The following CCN6 variants were observed in gnomAD, a reference collection of about 807,000 sequenced individuals.
The protein encoded by CCN6 is CCN family member 6.
Under a neutral mutation model 37.4 loss-of-function variants are expected in CCN6, and 31 were observed. The observed-to-expected ratio is 0.83, with a 90% CI of 0.62 to 1.12. The LOEUF (loss-of-function observed/expected upper bound fraction) is 1.12. CCN6 is among the 50% of genes most tolerant of loss of function. CCN6 has a pLI of 0.00. For missense variants in CCN6, 369 were observed against 413.8 expected (o/e 0.89, Z 0.94); for synonymous variants, 137 against 142.1 (o/e 0.96, Z 0.26).
chr6:112,053,082 G>C (rs1776253128), upstream of CCN6, among the ~76,000 whole-genome samples: 1 of 152,134 alleles, frequency 6.6e-6, no homozygotes, highest in African/African-American at 2.4e-5. Context: ...AATAGGCCTT[G>C]GGATGGGGGC....
chr6:112,057,703 G>C (rs984432831), intron 1 of CCN6, among the ~76,000 whole-genome samples: 10 of 152,142 alleles, frequency 6.6e-5, no homozygotes, highest in African/African-American at 2.4e-4. Flanking sequence ...ATTTAGTTTT[G>C]AAACTTGCAT....
rs587730497 is a variant in CCN6 at position 112,068,107 on chromosome 6, A to G, written c.590-98A>G. On this transcript the variant is annotated intron_variant, in intron 3 of 4. Coordinates refer to ENST00000368666, the MANE Select transcript of CCN6 (RefSeq NM_198239.2). ...TTATTCTGAGTTATATTATACAAAA[A>G]TACTCAGATTTCTTAAACATTAAAC... 16 of 1,038,120 alleles carry G rather than the reference A, an allele frequency of 1.5e-5. No homozygotes were observed. The East Asian group carries it at 1.6e-4, about 10-fold the overall frequency. The allele number at this position is 1,038,120 out of a possible 1,614,324, so 64.3% of individuals were successfully genotyped here.
chr6:112,060,715 G>A (rs587653732), intron 1 of CCN6, among the ~76,000 whole-genome samples: 1 of 152,196 alleles, frequency 6.6e-6, no homozygotes, highest in South Asian at 2.1e-4. Context: ...TACAGATTAA[G>A]AGGATGAGAA....
chr6:112,066,266 A>T (rs1776693080), intron 3 of CCN6, among the ~76,000 whole-genome samples: 1 of 147,336 alleles, frequency 6.8e-6, no homozygotes, highest in African/African-American at 2.5e-5. Context: ...CCATGTCCTT[A>T]TTTTTTTTTT....
chr6:112,053,598 T>A (rs1285992620), upstream of CCN6, among the ~76,000 whole-genome samples: 2 of 151,662 alleles, frequency 1.3e-5, no homozygotes, highest in African/African-American at 2.4e-5. Context: ...AAAATGGAGG[T>A]TAACTTCATT....
chr6:112,052,847 T>C (rs949434249), upstream of CCN6, among the ~76,000 whole-genome samples: 2 of 152,178 alleles, frequency 1.3e-5, no homozygotes, highest in East Asian at 1.9e-4. Context: ...AAGCTCTGTG[T>C]GATCTGCAGG....
chr6:112,061,707 C>T (rs1776529124), intron 2 of CCN6, among the ~76,000 whole-genome samples: 1 of 152,164 alleles, frequency 6.6e-6, no homozygotes, highest in South Asian at 2.1e-4. Context: ...AGACATACAA[C>T]TTTAACCTCA....
intron 2 of CCN6, among the ~76,000 whole-genome samples, chr6:112,063,985 T>A (rs1228030692): frequency 6.6e-6 from 1 of 152,220 alleles, no homozygotes; most frequent in African/African-American, 2.4e-5. Context: ...CTTTTTGCTG[T>A]GCCATCAAGG....
upstream of CCN6, among the ~76,000 whole-genome samples, chr6:112,052,850 T>C (rs190315626): frequency 6.6e-6 from 1 of 152,284 alleles, no homozygotes; most frequent in Admixed American, 6.5e-5. Flanking sequence ...CTCTGTGTGA[T>C]CTGCAGGTTT....
At position 112,058,448 on chromosome 6, in the gene CCN6, G is replaced by A. The variant is rs114295420; in HGVS notation, c.49-2543G>A. Among the ~76,000 whole-genome samples, 758 of 152,338 alleles carry A rather than the reference G, an allele frequency of 5.0e-3. 5 individuals are homozygous for A. The highest frequency in any genetic ancestry group is 0.018 in the African/African-American group (738 of 41,580). ...TTACATAAGCAAATTGCCAGGCACT[G>A]TGCTAGGTGCTGGTGGTATACTCAC... On this transcript the variant is annotated intron_variant, in intron 1 of 4. Coordinates refer to ENST00000368666, the MANE Select transcript of CCN6 (RefSeq NM_198239.2).
rs879989490 is a variant in CCN6, at chr6:112,067,096, A to C, written c.590-1109A>C. ...TGCAATTGCAAGAGACTCTACTGTC[A>C]TAACACTGAAAGCAGTGTCACAGTA... On this transcript the variant is annotated intron_variant, in intron 3 of 4. Transcript: ENST00000368666. 17 of 1,233,416 alleles carry C rather than the reference A, an allele frequency of 1.4e-5. No homozygotes were observed. The South Asian group carries it at 2.0e-4, about 15-fold the overall frequency. 76.4% of individuals were successfully genotyped at this position (1,233,416 alleles called of 1,614,324 possible).
chr6:112,053,208 G>T (rs1404376059), upstream of CCN6, among the ~76,000 whole-genome samples: 1 of 152,176 alleles, frequency 6.6e-6, no homozygotes, highest in African/African-American at 2.4e-5. Context: ...CCCACATGAT[G>T]ACACAGGAGG....
chr6:112,067,845 G>A (rs111481769), intron 3 of CCN6, among the ~76,000 whole-genome samples: 2,247 of 152,230 alleles, frequency 0.015, 61 homozygotes, highest in African/African-American at 0.052. Context: ...TTCAATGTCT[G>A]TTAGAAATGA....
At position 112,054,404 on chromosome 6, in the gene CCN6, A is replaced by T; in HGVS notation, c.47A>T (p.Gln16Leu). 6.2e-7 allele frequency: 1 copy of T among 1,613,446 alleles called. No individual in the cohort carries two copies. Among genetic ancestry groups the T allele is most frequent in the South Asian group, 1.1e-5 (1 of 91,000 alleles). ...ACTCTTCTGCTTGCTGGCCTGGCAC[A>T]GGTAAGTCCTCTCCCCCGACTCTTT... is the stretch of plus-strand genomic sequence containing the variant. The part of the protein sequence containing the change: ...FSTLLLAGLA[Q>L]FCCRVQGTGP... Residue 16 changes from glutamine to leucine, a missense_variant and splice_region_variant, in exon 1 of 5, where the codon CAG (glutamine) becomes CTG (leucine). Gln to Leu is a moderately radical substitution (Grantham distance 113). Transcript: ENST00000368666.
rs587699642 is a variant in CCN6 at position 112,061,447 on chromosome 6, T to A, written c.346+159T>A. ...GGACTGGCTCCATTGTATTGGATAC[T>A]ATGTGAAATTAGCAGATGCTTACAC... On this transcript the variant is annotated intron_variant, in intron 2 of 4. Transcript: ENST00000368666. 9.3e-6 allele frequency: 8 copies of A among 861,266 alleles called. No homozygotes were observed. In the South Asian group the frequency reaches 1.1e-4, roughly 11 times the overall value. 53.4% of individuals were successfully genotyped at this position (861,266 alleles called of 1,614,324 possible).
chr6:112,066,932 G>A (rs782124404), intron 3 of CCN6: 1 of 1,348,488 alleles, frequency 7.4e-7, no homozygotes, highest in Non-Finnish European at 9.9e-7. Context: ...GGGATTACTG[G>A]TAACACGGTA....
At chr6:112,060,185 C>T in intron 1 of CCN6, 1 of 1,291,702 alleles carries the variant, frequency 7.7e-7, no homozygotes, top group Non-Finnish European at 1.0e-6. Flanking sequence ...AATGGGAGGC[C>T]ATGAGGAAGT....
intron 4 of CCN6, 64 bp downstream of exon 4, chr6:112,068,462 G>A (rs1344162525): frequency 1.3e-5 from 18 of 1,426,870 alleles, no homozygotes; most frequent in Non-Finnish European, 1.7e-5. Flanking sequence ...AAGCATGTGT[G>A]TGTTTTGGAG....
intron 1 of CCN6, chr6:112,060,088 AG>A (rs1554312490): frequency 7.3e-7 from 1 of 1,364,102 alleles, no homozygotes; most frequent in South Asian, 1.2e-5. Flanking sequence ...GGAGGCAGCA[AG>A]GGGGTGAGTG....
Sources: allele counts gnomAD v4.1 joint callset (sites outside exome capture counted in the v4.1 genomes callset), GRCh38; gene constraint gnomAD v4.1.1; transcripts MANE v1.5; gene names NCBI Gene and HGNC (gene_info 2026-07-23, HGNC 2026-07-21).